Variants in KAT6B observed in about 807,000 individuals in gnomAD.
KAT6B encodes the protein histone acetyltransferase KAT6B.
A neutral mutation model predicts 187.5 loss-of-function variants in KAT6B; 10 were observed. That is an observed-to-expected ratio of 0.05 (90% CI 0.03 to 0.09). The LOEUF is 0.09. KAT6B is among the 10% of genes least tolerant of loss of function. The probability of loss-of-function intolerance (pLI) is 1.00; values close to 1 mark genes in which losing one functional copy is unlikely to be tolerated. For synonymous variants in KAT6B, 861 were observed against 926.8 expected (o/e 0.93, Z 1.29); for missense variants, 1,952 against 2,558.9 (o/e 0.76, Z 5.12).
At chr10:74,873,045 C>T (rs1844119478) in intron 3 of KAT6B, among the ~76,000 whole-genome samples, 1 of 152,108 alleles carries the variant, frequency 6.6e-6, no homozygotes, top group Admixed American at 6.5e-5. Context: ...ATGGTCTTTA[C>T]AACTTATTCT....
chr10:74,985,273 CTTTTTCAAAATGTTT>C (rs1461389604), intron 12 of KAT6B, 32 bp downstream of exon 12: 1 of 1,610,850 alleles, frequency 6.2e-7, no homozygotes, highest in South Asian at 1.1e-5. Context: ...CCTTCATTTT[CTTTTTCAAAATGTTT>C]TTGGTAGAGC....
intron 3 of KAT6B, among the ~76,000 whole-genome samples, chr10:74,927,835 G>A (rs892255139): frequency 6.6e-6 from 1 of 152,168 alleles, no homozygotes; most frequent in Non-Finnish European, 1.5e-5. Flanking sequence ...AAGTACTCAT[G>A]TGTGACTCTC....
intron 1 of KAT6B, among the ~76,000 whole-genome samples, chr10:74,838,407 CA>C (rs1841476689): frequency 6.6e-6 from 1 of 152,062 alleles, no homozygotes; most frequent in African/African-American, 2.4e-5. Context: ...AGGAATCTAT[CA>C]CAAACCTGAT....
intron 13 of KAT6B, among the ~76,000 whole-genome samples, chr10:75,013,747 A>G (rs1844779982): frequency 6.6e-6 from 1 of 152,164 alleles, no homozygotes; most frequent in Non-Finnish European, 1.5e-5. Flanking sequence ...CAGAACTGTA[A>G]CAGTTAGGTA....
At chr10:75,016,086 T>G in intron 13 of KAT6B, among the ~76,000 whole-genome samples, 1 of 152,246 alleles carries the variant, frequency 6.6e-6, no homozygotes, top group East Asian at 1.9e-4. Context: ...GTTATTATGC[T>G]GGGAATTAAA....
chr10:74,982,285 G>T (rs1842559269), intron 11 of KAT6B: 1 of 314,236 alleles, frequency 3.2e-6, no homozygotes, highest in South Asian at 2.9e-5. Context: ...TGTCTGGCAG[G>T]TGCTCACTCT....
chr10:74,945,717 T>C (rs933549405), intron 3 of KAT6B, among the ~76,000 whole-genome samples: 2 of 152,078 alleles, frequency 1.3e-5, no homozygotes, highest in African/African-American at 4.8e-5. Context: ...CCCAAAGTGC[T>C]GGGATTACAG....
At chr10:74,957,592 G>A (rs1002229896) in intron 3 of KAT6B, among the ~76,000 whole-genome samples, 13 of 152,138 alleles carry the variant, frequency 8.5e-5, no homozygotes, top group Non-Finnish European at 1.3e-4. Context: ...TTGGAGATTT[G>A]GATTTGTTTC....
At chr10:74,955,491 G>A (rs1426848990) in intron 3 of KAT6B, among the ~76,000 whole-genome samples, 1 of 148,316 alleles carries the variant, frequency 6.7e-6, no homozygotes, top group Non-Finnish European at 1.5e-5. Flanking sequence ...ACACCTATAT[G>A]CCTTTTACAT....
At chr10:74,901,022 A>G (rs912883284) in intron 3 of KAT6B, among the ~76,000 whole-genome samples, 1 of 152,072 alleles carries the variant, frequency 6.6e-6, no homozygotes, top group African/African-American at 2.4e-5. Context: ...TTTTAAGTAT[A>G]AAATCTTAAA....
At chr10:74,998,460 A>G (rs767173904) in intron 13 of KAT6B, among the ~76,000 whole-genome samples, 3 of 152,208 alleles carry the variant, frequency 2.0e-5, no homozygotes, top group Non-Finnish European at 2.9e-5. Context: ...GGTGTAATTA[A>G]TAGAAGAAAA....
chr10:74,850,779 G>C (rs1012398507), intron 3 of KAT6B, among the ~76,000 whole-genome samples: 3 of 152,224 alleles, frequency 2.0e-5, no homozygotes, highest in Non-Finnish European at 2.9e-5. Flanking sequence ...GTAGCATTAA[G>C]ATTCCATTTG....
At chr10:74,879,503 G>A (rs1844690425) in intron 3 of KAT6B, among the ~76,000 whole-genome samples, 1 of 152,198 alleles carries the variant, frequency 6.6e-6, no homozygotes, top group African/African-American at 2.4e-5. Flanking sequence ...ACTGGAAGAA[G>A]AGCTCCATGG....
chr10:74,994,727 A>G (rs962758983), intron 13 of KAT6B, among the ~76,000 whole-genome samples: 1 of 151,712 alleles, frequency 6.6e-6, no homozygotes, highest in South Asian at 2.1e-4. Flanking sequence ...TGGAGGTTGC[A>G]GTGAGCTGAG....
chr10:74,865,808 C>T (rs956968588), intron 3 of KAT6B, among the ~76,000 whole-genome samples: 1 of 152,202 alleles, frequency 6.6e-6, no homozygotes. Flanking sequence ...TGAGCCACTG[C>T]ACCCAGCCCC....
intron 3 of KAT6B, among the ~76,000 whole-genome samples, chr10:74,931,675 A>G (rs1848890470): frequency 6.6e-6 from 1 of 152,186 alleles, no homozygotes; most frequent in Admixed American, 6.6e-5. Context: ...CTGGCCTTTT[A>G]GAATATGATT....
intron 1 of KAT6B, among the ~76,000 whole-genome samples, chr10:74,834,323 G>A (rs755780305): frequency 4.6e-5 from 7 of 151,340 alleles, no homozygotes; most frequent in Non-Finnish European, 8.8e-5. Flanking sequence ...TCAGCCTTCC[G>A]AGTAGCTGGG....
intron 16 of KAT6B, among the ~76,000 whole-genome samples, chr10:75,023,143 A>G (rs183850905): frequency 1.2e-4 from 19 of 152,344 alleles, no homozygotes; most frequent in African/African-American, 4.6e-4. Flanking sequence ...AAAGTAAAGA[A>G]TTGACTTTGT....
chr10:74,982,870 C>T (rs1448219423), intron 11 of KAT6B: 2 of 152,200 alleles, frequency 1.3e-5, no homozygotes, highest in Non-Finnish European at 2.9e-5. Flanking sequence ...CTGAATTGTT[C>T]AGGCTGAAAC....
Sources: allele counts gnomAD v4.1 joint callset (sites outside exome capture counted in the v4.1 genomes callset), GRCh38; gene constraint gnomAD v4.1.1; transcripts MANE v1.5; gene names NCBI Gene and HGNC (gene_info 2026-07-23, HGNC 2026-07-21).